IL12RB1: variants seen among roughly 807,000 people sequenced by gnomAD.
IL12RB1 encodes the protein interleukin-12 receptor subunit beta-1.
A neutral mutation model predicts 94.4 loss-of-function variants in IL12RB1; 64 were observed. The observed-to-expected ratio is 0.68, with a 90% CI of 0.55 to 0.83. The LOEUF is 0.83. Ranked by LOEUF, IL12RB1 falls within the 40% of genes least tolerant of loss-of-function variation. The probability of loss-of-function intolerance (pLI) is 0.00; values close to 1 mark genes in which losing one functional copy is unlikely to be tolerated. For synonymous variants in IL12RB1, 362 were observed against 355.5 expected (o/e 1.02, Z -0.21); for missense variants, 814 against 855.6 (o/e 0.95, Z 0.61).
Position 18,086,697 on chromosome 19 carries a change from T to C in IL12RB1, c.64+63A>G, listed in dbSNP as rs1055375233. On this transcript the variant is annotated intron_variant, in intron 1 of 16. Transcript: ENST00000593993. ...AACCCACACAGCAGGCCCACAGCTC[T>C]CCACACATACACGTGCCTCCACCCA... The C allele has an allele frequency of 1.3e-5, 20 of 1,523,396 alleles. No homozygotes were observed. In the Admixed American group the frequency reaches 2.7e-4, roughly 20 times the overall value. The allele number at this position is 1,523,396 out of a possible 1,614,324, so 94.4% of individuals were successfully genotyped here. A position where few individuals can be genotyped will look rare whatever the true frequency, so the allele number is the denominator to read the frequency against.
chr19:18,096,880 G>GAC (rs2036983866), intron 1 of IL12RB1, among the ~76,000 whole-genome samples: 1 of 150,358 alleles, frequency 6.7e-6, no homozygotes, highest in Admixed American at 6.7e-5. Context: ...TGCGGTGGCT[G>GAC]ACACCTGTAA....
intron 1 of IL12RB1, among the ~76,000 whole-genome samples, chr19:18,092,246 T>G (rs1329502263): frequency 1.3e-5 from 2 of 150,420 alleles, no homozygotes; most frequent in Non-Finnish European, 3.0e-5. Flanking sequence ...TCCCAGCACT[T>G]TGGGAAGGCC....
chr19:18,072,078 C>T, intron 9 of IL12RB1, 34 bp downstream of exon 9: 1 of 1,402,000 alleles, frequency 7.1e-7, no homozygotes, highest in Non-Finnish European at 1.0e-6. Flanking sequence ...CTCTGAGGGG[C>T]CCTCATACCG....
intron 4 of IL12RB1, 41 bp from the exon 5 acceptor site, chr19:18,077,696 G>C: frequency 7.4e-7 from 1 of 1,349,106 alleles, no homozygotes; most frequent in Non-Finnish European, 1.1e-6. Context: ...CAGCCCACAC[G>C]TATGTGAGTT....
At chr19:18,083,136 G>T in intron 2 of IL12RB1, 2 of 549,852 alleles carry the variant, frequency 3.6e-6, no homozygotes, top group Non-Finnish European at 6.5e-6. Context: ...TGGGGGGGGG[G>T]CTTCAAAATG....
chr19:18,098,533 G>A (rs895170246), intron 1 of IL12RB1, among the ~76,000 whole-genome samples: 19 of 152,254 alleles, frequency 1.2e-4, no homozygotes, highest in African/African-American at 4.6e-4. Flanking sequence ...TCATCAGGAG[G>A]TAGGGACACA....
rs1234064264 is a variant in IL12RB1 at position 18,070,491 on chromosome 19, C to T, written c.1022-778G>A. 3 of 982,146 alleles carry T rather than the reference C, an allele frequency of 3.1e-6. No individual in the cohort carries two copies. The African/African-American group carries it at 5.2e-5, about 17-fold the overall frequency. 60.8% of individuals were successfully genotyped at this position (982,146 alleles called of 1,614,324 possible). On this transcript the variant is annotated intron_variant, in intron 9 of 16. Coordinates refer to ENST00000593993, the MANE Select transcript of IL12RB1 (RefSeq NM_005535.3). Reference sequence around the variant, plus strand: ...AGCACACACCCACTCAGTCCCTGGGCAAATCTCTCCCACTCCCTCCCGCCA... The same window carrying T: ...AGCACACACCCACTCAGTCCCTGGGTAAATCTCTCCCACTCCCTCCCGCCA...
At position 18,059,328 on chromosome 19, in the gene IL12RB1, G is replaced by A. The variant is rs982695760; in HGVS notation, c.*280C>T. Reference sequence around the variant, plus strand: ...GCCCAGGGTCCAGGGATCCATCTGAGCCCCCCTTGCCCCCATTCCCAGTCC... The same window carrying A: ...GCCCAGGGTCCAGGGATCCATCTGAACCCCCCTTGCCCCCATTCCCAGTCC... On this transcript the variant is annotated 3_prime_UTR_variant, in exon 17 of 17. Coordinates refer to ENST00000593993, the MANE Select transcript of IL12RB1 (RefSeq NM_005535.3). 3 of 554,776 alleles carry A rather than the reference G, an allele frequency of 5.4e-6. No individual in the cohort carries two copies. The highest frequency in any genetic ancestry group is 1.9e-5 in the African/African-American group (1 of 52,806). The allele number at this position is 554,776 out of a possible 1,614,324, so 34.4% of individuals were successfully genotyped here.
chr19:18,066,518 C>T (rs915877524), intron 12 of IL12RB1, 24 bp downstream of exon 12: 1 of 1,577,078 alleles, frequency 6.3e-7, no homozygotes, highest in Non-Finnish European at 8.7e-7. Flanking sequence ...CCTCCCCAAG[C>T]CAGGTCTGCA....
intron 11 of IL12RB1, among the ~76,000 whole-genome samples, chr19:18,067,631 GT>G (rs1424988829): frequency 6.6e-6 from 1 of 152,038 alleles, no homozygotes; most frequent in Non-Finnish European, 1.5e-5. Flanking sequence ...CTAAAACCCT[GT>G]CTCTACTAAA....
intron 1 of IL12RB1, among the ~76,000 whole-genome samples, chr19:18,094,060 C>T (rs2036767422): frequency 6.6e-6 from 1 of 152,188 alleles, no homozygotes; most frequent in African/African-American, 2.4e-5. Context: ...CATTAAATAA[C>T]ATTTAAATTA....
intron 2 of IL12RB1, among the ~76,000 whole-genome samples, chr19:18,082,953 G>A (rs17879492): frequency 0.39 from 58,639 of 151,570 alleles, 12,252 homozygotes; most frequent in South Asian, 0.59. Flanking sequence ...TGTGGTGGCG[G>A]GCACCTGTAA....
At chr19:18,086,264 A>G (rs17878723) in intron 1 of IL12RB1, among the ~76,000 whole-genome samples, 72 of 138,336 alleles carry the variant, frequency 5.2e-4, no homozygotes, top group African/African-American at 1.9e-3. Context: ...AAATAAATAA[A>G]TAAATAAGTA....
chr19:18,064,084 T>C (rs2034375458), intron 12 of IL12RB1, 74 bp from the exon 13 acceptor site: 2 of 1,022,480 alleles, frequency 2.0e-6, no homozygotes, highest in South Asian at 1.3e-5. Flanking sequence ...TACCACAGCC[T>C]GTGGGTGGGG....
intron 10 of IL12RB1, among the ~76,000 whole-genome samples, chr19:18,068,936 G>A (rs1418495581): frequency 6.6e-6 from 1 of 151,972 alleles, no homozygotes; most frequent in Non-Finnish European, 1.5e-5. Flanking sequence ...TTTTAGTAGA[G>A]ACAGGGTTTC....
chr19:18,065,981 G>C (rs2034550358), intron 12 of IL12RB1, among the ~76,000 whole-genome samples: 1 of 150,814 alleles, frequency 6.6e-6, no homozygotes, highest in African/African-American at 2.4e-5. Context: ...TGAGGCTGCT[G>C]TGAGCTATGA....
At chr19:18,083,142 A>G (rs987083030) in intron 2 of IL12RB1, 5 of 560,600 alleles carry the variant, frequency 8.9e-6, no homozygotes, top group Non-Finnish European at 1.6e-5. Context: ...GGGGGCTTCA[A>G]AATGCTTAAC....
upstream of IL12RB1, chr19:18,090,607 C>A (rs1000950402): frequency 3.9e-5 from 6 of 152,434 alleles, no homozygotes; most frequent in African/African-American, 1.4e-4. Flanking sequence ...GGGCTTCCCC[C>A]ACCCGCACCA....
At chr19:18,081,350 C>A (rs1201574382) in intron 3 of IL12RB1, among the ~76,000 whole-genome samples, 1 of 151,598 alleles carries the variant, frequency 6.6e-6, no homozygotes, top group Non-Finnish European at 1.5e-5. Flanking sequence ...CCCACCTCAG[C>A]CTCCCAAAGT....
Sources: allele counts gnomAD v4.1 joint callset (sites outside exome capture counted in the v4.1 genomes callset), GRCh38; gene constraint gnomAD v4.1.1; transcripts MANE v1.5; gene names NCBI Gene and HGNC (gene_info 2026-07-23, HGNC 2026-07-21).